PYHIN1: variants seen among roughly 807,000 people sequenced by gnomAD.
PYHIN1 encodes pyrin and HIN domain family member 1.
A neutral mutation model predicts 43.7 loss-of-function variants in PYHIN1; 32 were observed. That is an observed-to-expected ratio of 0.73 (90% CI 0.55 to 0.98). The LOEUF is 0.98. PYHIN1 is among the 50% of genes least tolerant of loss of function. The pLI is 0.00. For synonymous variants in PYHIN1, 205 were observed against 203.1 expected, an observed-to-expected ratio of 1.01 and a Z score of -0.08; for missense variants, 588 against 589.5, an observed-to-expected ratio of 1.00 and a Z score of 0.03.
At chr1:158,952,530 A>G (rs147359508) in intron 7 of PYHIN1, among the ~76,000 whole-genome samples, 1 of 152,290 alleles carries the variant, frequency 6.6e-6, no homozygotes, top group Non-Finnish European at 1.5e-5. Flanking sequence ...GAGCTCAGGC[A>G]AAACCTCCAT....
chr1:158,973,899 C>T (rs1423353183), intron 8 of PYHIN1, 128 bp downstream of exon 8: 3 of 1,094,990 alleles, frequency 2.7e-6, no homozygotes, highest in Admixed American at 5.3e-5. Context: ...ATTTCTCATT[C>T]ATTTATCAAT....
chr1:158,984,075 T>G, the PYHIN1 span, among the ~76,000 whole-genome samples: 1 of 148,910 alleles, frequency 6.7e-6, no homozygotes, highest in Admixed American at 6.8e-5. Context: ...GGTCTATATA[T>G]CTTATTCTTT....
At chr1:158,955,929 C>T (rs1102009) in intron 7 of PYHIN1, among the ~76,000 whole-genome samples, 50,956 of 80,402 alleles carry the variant, frequency 0.63, 18,280 homozygotes, top group South Asian at 0.87. Flanking sequence ...ATATCACCAC[C>T]GATCCCACAG....
Position 158,952,334 on chromosome 1 carries a change from G to A in PYHIN1, c.1359+7292G>A, listed in dbSNP as rs564994906. On this transcript the variant is annotated intron_variant, in intron 7 of 8. Coordinates refer to ENST00000368140, the MANE Select transcript of PYHIN1 (RefSeq NM_152501.5). Reference sequence around the variant, plus strand: ...CTTTCTACCTACTGCTTGCTTGGCCGCACAACTCTGGCCTCTGATGCTTTT... The same window carrying A: ...CTTTCTACCTACTGCTTGCTTGGCCACACAACTCTGGCCTCTGATGCTTTT... 9.0e-4 allele frequency among the ~76,000 whole-genome samples: 136 copies of A among 151,716 alleles called. 1 individual carries two copies. The highest frequency in any genetic ancestry group is 1.2e-3 in the Non-Finnish European group (83 of 67,974).
intron 7 of PYHIN1, among the ~76,000 whole-genome samples, chr1:158,952,244 C>G (rs1004469435): frequency 6.6e-6 from 1 of 151,866 alleles, no homozygotes; most frequent in Non-Finnish European, 1.5e-5. Flanking sequence ...AGCAGCTGTG[C>G]AGGCTGAGTT....
chr1:158,978,166 A>T (rs1018909576), downstream of PYHIN1, among the ~76,000 whole-genome samples: 2 of 152,110 alleles, frequency 1.3e-5, no homozygotes, highest in Non-Finnish European at 1.5e-5. Flanking sequence ...TTTATCAGAC[A>T]TAAAGGTAAG....
intron 7 of PYHIN1, among the ~76,000 whole-genome samples, chr1:158,963,131 C>T (rs1318473457): frequency 6.6e-6 from 1 of 152,200 alleles, no homozygotes; most frequent in East Asian, 1.9e-4. Flanking sequence ...CTGCATCTCT[C>T]TGAGGTGCAG....
At chr1:158,968,574 C>T (rs920766652) in intron 7 of PYHIN1, among the ~76,000 whole-genome samples, 5 of 152,104 alleles carry the variant, frequency 3.3e-5, no homozygotes, top group African/African-American at 1.2e-4. Flanking sequence ...TCCCATTTGA[C>T]CCAGCAATCC....
At chr1:158,982,806 C>G in the PYHIN1 span, among the ~76,000 whole-genome samples, 1 of 152,046 alleles carries the variant, frequency 6.6e-6, no homozygotes, top group Non-Finnish European at 1.5e-5. Flanking sequence ...TGTATCATCT[C>G]TAATTTCTTT....
Position 158,942,067 on chromosome 1 carries a change from A to G in PYHIN1, c.670A>G (p.Lys224Glu), listed in dbSNP as rs1346388797. 1 of 1,614,130 alleles carries G rather than the reference A, an allele frequency of 6.2e-7. No homozygotes were observed. Among genetic ancestry groups the G allele is most frequent in the Non-Finnish European group, 8.5e-7 (1 of 1,180,002 alleles). The change falls in exon 5 of 9, where the codon AAA (lysine) becomes GAA (glutamate). Residue 224 changes from lysine (K) to glutamate (E), a missense_variant. Transcript: ENST00000368140. ...AATCGCGATGGTACTAAATGCAACAAAAGTATTTAAATATGAATCCTCAGA... is the reference window on the plus strand; with the variant it reads ...AATCGCGATGGTACTAAATGCAACAGAAGTATTTAAATATGAATCCTCAGA... Reference protein sequence around the residue: ...PIIAMVLNATKVFKYESSENE... With the variant: ...PIIAMVLNATEVFKYESSENE...
chr1:158,963,213 G>A (rs1040985176), intron 7 of PYHIN1, among the ~76,000 whole-genome samples: 1 of 152,108 alleles, frequency 6.6e-6, no homozygotes, highest in African/African-American at 2.4e-5. Flanking sequence ...TTCAGACTGG[G>A]GAAGGAACTG....
intron 6 of PYHIN1, among the ~76,000 whole-genome samples, chr1:158,944,477 T>G (rs1379116339): frequency 6.6e-6 from 1 of 152,186 alleles, no homozygotes; most frequent in Non-Finnish European, 1.5e-5. Flanking sequence ...TTGGAAAGAC[T>G]TCAGGCAGAG....
chr1:158,977,961 T>A (rs1227163479), downstream of PYHIN1, among the ~76,000 whole-genome samples: 1 of 152,038 alleles, frequency 6.6e-6, no homozygotes, highest in Non-Finnish European at 1.5e-5. Context: ...ACCCTTAAAA[T>A]TATGAAAAAG....
chr1:158,952,029 G>A (rs1015089500), intron 7 of PYHIN1, among the ~76,000 whole-genome samples: 10 of 152,090 alleles, frequency 6.6e-5, no homozygotes, highest in Non-Finnish European at 1.5e-4. Flanking sequence ...GTCCGCCTGC[G>A]GAGCTGGAGA....
At chr1:158,941,349 C>T (rs1163840689) in intron 4 of PYHIN1, among the ~76,000 whole-genome samples, 1 of 152,162 alleles carries the variant, frequency 6.6e-6, no homozygotes, top group Non-Finnish European at 1.5e-5. Context: ...AGAGCCCTGA[C>T]ATTGAGAAAG....
At chr1:158,985,620 CTA>C in the PYHIN1 span, among the ~76,000 whole-genome samples, 1 of 152,102 alleles carries the variant, frequency 6.6e-6, no homozygotes, top group Admixed American at 6.6e-5. Context: ...AATTGGATAA[CTA>C]TGTGTCTTAG....
chr1:158,937,843 G>T (rs1648652644), intron 2 of PYHIN1, among the ~76,000 whole-genome samples: 1 of 151,978 alleles, frequency 6.6e-6, no homozygotes, highest in Admixed American at 6.6e-5. Flanking sequence ...CTACTCGGAG[G>T]CTGAGGCAGG....
the PYHIN1 span, among the ~76,000 whole-genome samples, chr1:158,988,421 TAGAA>T: frequency 8.5e-5 from 13 of 152,264 alleles, no homozygotes; most frequent in East Asian, 1.9e-4. Context: ...GGTATGGACT[TAGAA>T]AGAAAGAGAG....
At chr1:158,949,337 C>T (rs940716231) in intron 7 of PYHIN1, among the ~76,000 whole-genome samples, 2 of 152,116 alleles carry the variant, frequency 1.3e-5, no homozygotes, top group African/African-American at 4.8e-5. Context: ...GACAGACCTC[C>T]CAGCTAAAGT....
Sources: allele counts gnomAD v4.1 joint callset (sites outside exome capture counted in the v4.1 genomes callset), GRCh38; gene constraint gnomAD v4.1.1; transcripts MANE v1.5; gene names NCBI Gene and HGNC (gene_info 2026-07-23, HGNC 2026-07-21).